The following MCTP1 variants were observed in gnomAD, a reference collection of about 807,000 sequenced individuals.
The protein encoded by MCTP1 is multiple C2 and transmembrane domain containing 1, also known as multiple C2 and transmembrane domain-containing protein 1.
A neutral mutation model predicts 120.6 loss-of-function variants in MCTP1; 69 were observed. That is an observed-to-expected ratio of 0.57 (90% CI 0.47 to 0.70). The LOEUF is 0.70. Among genes scored for constraint, MCTP1 ranks in the 30% least tolerant of loss-of-function variants. The pLI is 0.00. For synonymous variants in MCTP1, 529 were observed against 493.1 expected, an observed-to-expected ratio of 1.07 and a Z score of -0.96; for missense variants, 1,203 against 1,248.8, an observed-to-expected ratio of 0.96 and a Z score of 0.55.
At chr5:95,192,909 A>C (rs904157749) in intron 1 of MCTP1, among the ~76,000 whole-genome samples, 3 of 152,098 alleles carry the variant, frequency 2.0e-5, no homozygotes, top group Non-Finnish European at 2.9e-5. Flanking sequence ...TGCTGATAAG[A>C]TCTCTGACAG....
intron 1 of MCTP1, chr5:95,038,239 A>G (rs1225263641): frequency 1.2e-5 from 4 of 341,614 alleles, no homozygotes; most frequent in African/African-American, 6.7e-5. Context: ...AGTATCCTTC[A>G]GTGAATATTG....
chr5:95,006,138 A>G (rs1834695609), intron 2 of MCTP1, among the ~76,000 whole-genome samples: 1 of 152,108 alleles, frequency 6.6e-6, no homozygotes, highest in African/African-American at 2.4e-5. Context: ...CTGGGAATAG[A>G]TTATTCTTTT....
chr5:95,024,677 A>ACACACACACACACACC lies in MCTP1; in HGVS notation c.721-7194_721-7193insGGTGTGTGTGTGTGTG, dbSNP rs1185400384. 9.7e-4 allele frequency among the ~76,000 whole-genome samples: 146 copies of ACACACACACACACACC among 150,858 alleles called. 1 individual carries two copies. Among genetic ancestry groups the ACACACACACACACACC allele is most frequent in the African/African-American group, 3.4e-3 (142 of 41,162 alleles). ...CACACACACACACACACACACACAC[A>ACACACACACACACACC]CCCCTAAATGCCATCCCAAACTGTT... On this transcript the variant is annotated intron_variant, in intron 1 of 22. Coordinates refer to ENST00000515393, the MANE Select transcript of MCTP1 (RefSeq NM_024717.7).
chr5:94,773,824 G>C (rs2152915025), intron 19 of MCTP1, among the ~76,000 whole-genome samples: 1 of 152,274 alleles, frequency 6.6e-6, no homozygotes, highest in Admixed American at 6.5e-5. Flanking sequence ...CCATGATTCA[G>C]TTACCTTCCA....
chr5:94,730,889 GT>G (rs1166349988), intron 19 of MCTP1, among the ~76,000 whole-genome samples: 1 of 151,620 alleles, frequency 6.6e-6, no homozygotes, highest in African/African-American at 2.4e-5. Flanking sequence ...GATCATAGTT[GT>G]TAGCATCTCC....
At chr5:94,780,692 GTCTC>G (rs981779725) in intron 18 of MCTP1, among the ~76,000 whole-genome samples, 6 of 152,124 alleles carry the variant, frequency 3.9e-5, no homozygotes, top group Non-Finnish European at 7.4e-5. Flanking sequence ...ACTCTTGACA[GTCTC>G]TCTAACTATA....
chr5:95,047,679 T>A (rs953706486), intron 1 of MCTP1, among the ~76,000 whole-genome samples: 2 of 152,126 alleles, frequency 1.3e-5, no homozygotes, highest in African/African-American at 4.8e-5. Flanking sequence ...ATTTTAGTAG[T>A]CTAATGCCTA....
chr5:94,732,191 T>G (rs534932664), intron 19 of MCTP1, among the ~76,000 whole-genome samples: 1 of 152,384 alleles, frequency 6.6e-6, no homozygotes, highest in South Asian at 2.1e-4. Context: ...GCTATGATTT[T>G]ATTCTGCTAG....
chr5:94,952,820 A>G (rs2153532816), intron 3 of MCTP1, among the ~76,000 whole-genome samples: 1 of 152,186 alleles, frequency 6.6e-6, no homozygotes, highest in East Asian at 1.9e-4. Context: ...CTCCAAGTAA[A>G]GCATTTTGCT....
At chr5:95,191,116 C>T (rs1749782970) in intron 1 of MCTP1, among the ~76,000 whole-genome samples, 1 of 151,984 alleles carries the variant, frequency 6.6e-6, no homozygotes, top group South Asian at 2.1e-4. Flanking sequence ...TAACTATTCT[C>T]TGTTTTGTCC....
chr5:94,870,788 C>T, intron 15 of MCTP1, 84 bp downstream of exon 15: 1 of 998,240 alleles, frequency 1.0e-6, no homozygotes, highest in Non-Finnish European at 1.6e-6. Context: ...TGAGGAATGA[C>T]AGAAATTCTC....
In MCTP1 at chr5:94,897,282, C is replaced by A. The variant is rs925944575; in HGVS notation, c.1653-2447G>T. Among the ~76,000 whole-genome samples, 13 of 150,972 alleles carry A rather than the reference C, an allele frequency of 8.6e-5. 1 individual carries two copies. The highest frequency in any genetic ancestry group is 1.9e-4 in the Non-Finnish European group (13 of 67,824). On this transcript the variant is annotated intron_variant, in intron 10 of 22. Transcript: ENST00000515393. ...AGAGATGGGGTTTTGTCATGTTGCC[C>A]AGGCTGCTCTTGAACTCCTGGGCTC...
intron 19 of MCTP1, among the ~76,000 whole-genome samples, chr5:94,763,279 G>A (rs936436626): frequency 6.6e-6 from 1 of 152,146 alleles, no homozygotes; most frequent in Non-Finnish European, 1.5e-5. Flanking sequence ...AATTGTCTAT[G>A]ATTCCTCATT....
intron 1 of MCTP1, among the ~76,000 whole-genome samples, chr5:95,275,625 C>T (rs781495674): frequency 1.2e-4 from 19 of 152,246 alleles, no homozygotes; most frequent in South Asian, 2.1e-4. Flanking sequence ...TATCCCAACA[C>T]GCAATCAATA....
chr5:94,763,629 T>G (rs1365519503), intron 19 of MCTP1, among the ~76,000 whole-genome samples: 2 of 152,312 alleles, frequency 1.3e-5, no homozygotes, highest in East Asian at 3.9e-4. Flanking sequence ...CATCACACAA[T>G]GACTCCTGGA....
At chr5:95,142,242 A>T (rs1310850692) in intron 1 of MCTP1, among the ~76,000 whole-genome samples, 1 of 152,200 alleles carries the variant, frequency 6.6e-6, no homozygotes, top group African/African-American at 2.4e-5. Flanking sequence ...CCAGAAAAAA[A>T]CACCATGTAA....
chr5:94,863,330 G>A (rs1307786142), intron 17 of MCTP1, among the ~76,000 whole-genome samples: 2 of 151,504 alleles, frequency 1.3e-5, no homozygotes, highest in Non-Finnish European at 2.9e-5. Context: ...TTCTGCTAGC[G>A]CTAAAAAAAA....
At chr5:95,161,132 A>T (rs1745688907) in intron 1 of MCTP1, among the ~76,000 whole-genome samples, 1 of 152,212 alleles carries the variant, frequency 6.6e-6, no homozygotes, top group South Asian at 2.1e-4. Flanking sequence ...CTGAAGAGAT[A>T]TCTGTACTTC....
chr5:94,805,244 A>G (rs550225048), intron 17 of MCTP1, among the ~76,000 whole-genome samples: 6 of 152,366 alleles, frequency 3.9e-5, no homozygotes, highest in Non-Finnish European at 7.3e-5. Context: ...ATTTTGAAGT[A>G]TCCATTTGGG....
Sources: allele counts gnomAD v4.1 joint callset (sites outside exome capture counted in the v4.1 genomes callset), GRCh38; gene constraint gnomAD v4.1.1; transcripts MANE v1.5; gene names NCBI Gene and HGNC (gene_info 2026-07-23, HGNC 2026-07-21).